PTPRD: variants seen among roughly 807,000 people sequenced by gnomAD.
PTPRD encodes protein tyrosine phosphatase receptor type D, also known as receptor-type tyrosine-protein phosphatase delta.
In PTPRD, 34 loss-of-function variants were observed where a neutral mutation model predicts 214.5. That is an observed-to-expected ratio of 0.16 (90% CI 0.12 to 0.21). PTPRD has a LOEUF of 0.21. Among genes scored for constraint, PTPRD ranks in the 10% least tolerant of loss-of-function variants. PTPRD has a pLI of 1.00. For synonymous variants in PTPRD, 1,128 were observed against 845.7 expected (o/e 1.33, Z -5.79); for missense variants, 2,545 against 2,398.7 (o/e 1.06, Z -1.27).
At chr9:9,144,182 G>C (rs1456827350) in intron 10 of PTPRD, among the ~76,000 whole-genome samples, 1 of 152,202 alleles carries the variant, frequency 6.6e-6, no homozygotes, top group African/African-American at 2.4e-5. Context: ...CACTCTGATA[G>C]ATTTGAATTT....
intron 14 of PTPRD, among the ~76,000 whole-genome samples, chr9:8,529,645 C>T (rs184476966): frequency 4.9e-4 from 75 of 152,192 alleles, no homozygotes; most frequent in African/African-American, 1.7e-3. Flanking sequence ...CACTTAAATC[C>T]CACAATCATG....
In PTPRD at chr9:8,418,974, C is replaced by T. The variant is rs1041169000; in HGVS notation, c.4087-14314G>A. On this transcript the variant is annotated intron_variant, in intron 35 of 45. Transcript: ENST00000381196. Reference sequence around the variant, plus strand: ...GATAATGTCCTTGTAAAAATGGCTCCTTCATTCAAAATCAAAAGCATTATC... The same window carrying T: ...GATAATGTCCTTGTAAAAATGGCTCTTTCATTCAAAATCAAAAGCATTATC... Among the ~76,000 whole-genome samples the T allele has an allele frequency of 2.0e-5, 3 of 151,888 alleles. No homozygotes were observed. The South Asian group carries it at 6.2e-4, about 32-fold the overall frequency.
At chr9:10,263,782 G>A (rs1398523058) in intron 3 of PTPRD, among the ~76,000 whole-genome samples, 1 of 152,152 alleles carries the variant, frequency 6.6e-6, no homozygotes, top group African/African-American at 2.4e-5. Flanking sequence ...CAAGACAATG[G>A]TGAAAACGTC....
At chr9:8,455,097 C>T (rs1005093568) in intron 33 of PTPRD, among the ~76,000 whole-genome samples, 2 of 152,096 alleles carry the variant, frequency 1.3e-5, no homozygotes, top group Non-Finnish European at 2.9e-5. Context: ...TTGAACTATA[C>T]AGAAATTTGC....
chr9:10,563,182 T>G (rs572284223), intron 2 of PTPRD, among the ~76,000 whole-genome samples: 1 of 152,206 alleles, frequency 6.6e-6, no homozygotes, highest in Non-Finnish European at 1.5e-5. Flanking sequence ...TCAGCAGTGG[T>G]TTTCCTGGGT....
chr9:9,214,652 T>G (rs976959118), intron 9 of PTPRD, among the ~76,000 whole-genome samples: 17 of 152,174 alleles, frequency 1.1e-4, no homozygotes, highest in African/African-American at 3.9e-4. Context: ...ACACATTTGT[T>G]TTTTAAACTT....
At chr9:9,719,311 G>C (rs908060380) in intron 7 of PTPRD, among the ~76,000 whole-genome samples, 4 of 152,008 alleles carry the variant, frequency 2.6e-5, no homozygotes, top group African/African-American at 9.7e-5. Context: ...CATTCTTCTT[G>C]GACATGGGAC....
chr9:8,963,790 T>G (rs770642347), intron 11 of PTPRD, among the ~76,000 whole-genome samples: 1 of 59,944 alleles, frequency 1.7e-5, no homozygotes, highest in African/African-American at 4.3e-5. Flanking sequence ...GGCTAATTAT[T>G]TTTTGTAGAG....
At chr9:8,465,762 C>T (rs1591273040) in intron 31 of PTPRD, 87 bp from the exon 32 acceptor site, 1 of 1,147,518 alleles carries the variant, frequency 8.7e-7, no homozygotes, top group Admixed American at 2.5e-5. Context: ...TAATTCAGAA[C>T]TGGGAACAAC....
At chr9:10,595,490 G>A (rs766063677) in intron 2 of PTPRD, among the ~76,000 whole-genome samples, 4 of 151,362 alleles carry the variant, frequency 2.6e-5, no homozygotes, top group Non-Finnish European at 5.9e-5. Flanking sequence ...TTTTCTTCTC[G>A]GTTGGTACAC....
chr9:9,710,241 A>G (rs2097699985), intron 7 of PTPRD, among the ~76,000 whole-genome samples: 1 of 152,146 alleles, frequency 6.6e-6, no homozygotes, highest in Non-Finnish European at 1.5e-5. Flanking sequence ...TATAGAAACT[A>G]AAGCTCAAAT....
intron 7 of PTPRD, among the ~76,000 whole-genome samples, chr9:9,610,787 C>T (rs1337535483): frequency 1.3e-5 from 2 of 151,782 alleles, no homozygotes; most frequent in African/African-American, 4.8e-5. Context: ...GGAGGATAGA[C>T]AAAGGTAAAA....
chr9:9,942,080 G>T lies in PTPRD; in HGVS notation c.-471-3470C>A, dbSNP rs546195147. Reference sequence around the variant, plus strand: ...TCATGAATCTAAGCCACAGGAAATAGTACACAGGACAAAATATTACTCTCA... The same window carrying T: ...TCATGAATCTAAGCCACAGGAAATATTACACAGGACAAAATATTACTCTCA... On this transcript the variant is annotated intron_variant, in intron 4 of 45. Coordinates refer to ENST00000381196, the MANE Select transcript of PTPRD (RefSeq NM_002839.4). Among the ~76,000 whole-genome samples, 21 of 152,204 alleles carry T rather than the reference G, an allele frequency of 1.4e-4. No homozygotes were observed. In the South Asian group the frequency reaches 4.4e-3, roughly 32 times the overall value.
At chr9:8,389,877 A>G (rs898817832) in intron 36 of PTPRD, among the ~76,000 whole-genome samples, 1 of 152,200 alleles carries the variant, frequency 6.6e-6, no homozygotes, top group Non-Finnish European at 1.5e-5. Flanking sequence ...ACTCATATAT[A>G]AACTCATTTA....
chr9:10,554,494 T>C (rs2784613), intron 2 of PTPRD, among the ~76,000 whole-genome samples: 21,423 of 152,116 alleles, frequency 0.14, 2,216 homozygotes, highest in East Asian at 0.51. Flanking sequence ...TTTCTGATCA[T>C]TGAATATTAT....
intron 14 of PTPRD, among the ~76,000 whole-genome samples, chr9:8,556,844 C>A (rs2083940428): frequency 6.6e-6 from 1 of 152,082 alleles, no homozygotes; most frequent in Admixed American, 6.6e-5. Flanking sequence ...CAGAATCGAA[C>A]CCATGTCTTT....
At chr9:10,238,331 C>A (rs1221160879) in intron 3 of PTPRD, among the ~76,000 whole-genome samples, 1 of 151,796 alleles carries the variant, frequency 6.6e-6, no homozygotes, top group African/African-American at 2.4e-5. Flanking sequence ...ACTAGTTTCC[C>A]CCACCACCAT....
intron 4 of PTPRD, among the ~76,000 whole-genome samples, chr9:9,975,689 C>T (rs551781180): frequency 3.3e-5 from 5 of 152,290 alleles, no homozygotes; most frequent in African/African-American, 9.6e-5. Context: ...AAGGAGATCT[C>T]TGTTAAGATA....
At chr9:10,261,758 C>G (rs181020875) in intron 3 of PTPRD, among the ~76,000 whole-genome samples, 43 of 152,164 alleles carry the variant, frequency 2.8e-4, no homozygotes, top group Non-Finnish European at 5.2e-4. Context: ...GAACTCAGCT[C>G]TCTTATAAAA....
Sources: gnomAD v4.1 joint callset for allele counts (sites outside exome capture counted in the v4.1 genomes callset) on GRCh38, gnomAD v4.1.1 for gene constraint, MANE v1.5 for transcripts, NCBI Gene and HGNC (gene_info 2026-07-23, HGNC 2026-07-21) for gene names.